STXBP5L: variants seen among roughly 807,000 people sequenced by gnomAD.
The protein encoded by STXBP5L is syntaxin-binding protein 5-like.
In STXBP5L, 65 loss-of-function variants were observed where a neutral mutation model predicts 144.5. That is an observed-to-expected ratio of 0.45 (90% confidence interval 0.37 to 0.55). The LOEUF (loss-of-function observed/expected upper bound fraction) is 0.55, where lower values mean the gene tolerates loss of function less well. Ranked by LOEUF, STXBP5L falls within the 20% of genes least tolerant of loss-of-function variation. STXBP5L has a pLI of 0.00. For missense variants in STXBP5L, 1,298 were observed against 1,405.5 expected (o/e 0.92, Z 1.22); for synonymous variants, 505 against 469.6 (o/e 1.08, Z -0.97).
intron 14 of STXBP5L, among the ~76,000 whole-genome samples, chr3:121,246,352 T>C (rs2049852907): frequency 6.6e-6 from 1 of 152,190 alleles, no homozygotes; most frequent in African/African-American, 2.4e-5. Context: ...AACTAGTCCC[T>C]GGTGCCAAAA....
chr3:121,146,801 A>G (rs544857662), intron 7 of STXBP5L, among the ~76,000 whole-genome samples: 4 of 152,068 alleles, frequency 2.6e-5, no homozygotes, highest in Non-Finnish European at 5.9e-5. Context: ...AAATTTGTAT[A>G]TGCCTAATGA....
chr3:121,045,338 T>C (rs1348087296), intron 4 of STXBP5L, 97 bp from the exon 5 acceptor site: 2 of 1,058,344 alleles, frequency 1.9e-6, no homozygotes, highest in South Asian at 1.8e-5. Flanking sequence ...AAAGTAACTC[T>C]TCAGGTAGTA....
intron 9 of STXBP5L, among the ~76,000 whole-genome samples, chr3:121,182,479 T>C (rs1039677455): frequency 6.6e-6 from 1 of 152,094 alleles, no homozygotes; most frequent in Non-Finnish European, 1.5e-5. Flanking sequence ...TAAATGATAA[T>C]CATTACACAA....
At chr3:120,959,976 G>T (rs1938562456) in intron 3 of STXBP5L, among the ~76,000 whole-genome samples, 1 of 152,228 alleles carries the variant, frequency 6.6e-6, no homozygotes, top group Admixed American at 6.5e-5. Flanking sequence ...GCAACCTATA[G>T]AATGGAAGAA....
intron 5 of STXBP5L, among the ~76,000 whole-genome samples, chr3:121,069,976 G>T (rs2041733642): frequency 6.6e-6 from 1 of 152,126 alleles, no homozygotes. Flanking sequence ...CTGTGTCCCA[G>T]AGGTTTTGAT....
At chr3:121,412,727 C>CAAAAAAAAAAAAAAAAA (rs35247157) in intron 23 of STXBP5L, among the ~76,000 whole-genome samples, 11 of 69,590 alleles carry the variant, frequency 1.6e-4, no homozygotes, top group African/African-American at 1.8e-4. Context: ...TTTCTCCCTC[C>CAAAAAAAAAAAAAAAAA]AAAAAAAAAA....
chr3:120,992,251 T>G (rs1942970412), intron 3 of STXBP5L, among the ~76,000 whole-genome samples: 1 of 152,186 alleles, frequency 6.6e-6, no homozygotes, highest in South Asian at 2.1e-4. Flanking sequence ...CAACTCAGAA[T>G]GTTTAGCATA....
intron 20 of STXBP5L, among the ~76,000 whole-genome samples, chr3:121,350,106 C>T (rs1349640550): frequency 6.6e-6 from 1 of 152,100 alleles, no homozygotes; most frequent in African/African-American, 2.4e-5. Flanking sequence ...CCAGTTATTC[C>T]TTTCCATGTT....
At chr3:120,989,503 T>A (rs1175586468) in intron 3 of STXBP5L, among the ~76,000 whole-genome samples, 4 of 152,182 alleles carry the variant, frequency 2.6e-5, no homozygotes, top group African/African-American at 9.6e-5. Context: ...GTTGTTGAGT[T>A]GTTTGAATTC....
chr3:121,217,973 T>G (rs1274029893), intron 10 of STXBP5L, among the ~76,000 whole-genome samples: 5 of 147,056 alleles, frequency 3.4e-5, no homozygotes, highest in Admixed American at 6.9e-5. Context: ...GTTACTACTA[T>G]AGTTTAGTAG....
chr3:121,107,484 A>T (rs893735968), intron 5 of STXBP5L, among the ~76,000 whole-genome samples: 1 of 152,142 alleles, frequency 6.6e-6, no homozygotes, highest in Non-Finnish European at 1.5e-5. Context: ...TCCTTTCCCC[A>T]TTGCTTCTTT....
intron 3 of STXBP5L, among the ~76,000 whole-genome samples, chr3:121,012,824 AC>A (rs965044672): frequency 6.6e-6 from 1 of 151,148 alleles, no homozygotes; most frequent in African/African-American, 2.4e-5. Flanking sequence ...TAGTTTTTCA[AC>A]CCTTATCCAC....
intron 19 of STXBP5L, among the ~76,000 whole-genome samples, chr3:121,308,292 C>T (rs1467275138): frequency 6.6e-6 from 1 of 152,066 alleles, no homozygotes; most frequent in Non-Finnish European, 1.5e-5. Context: ...ACCTCATATC[C>T]AGCAAAAGTA....
chr3:120,922,189 A>G (rs373140588), intron 2 of STXBP5L, among the ~76,000 whole-genome samples: 24 of 151,734 alleles, frequency 1.6e-4, no homozygotes, highest in Non-Finnish European at 3.1e-4. Context: ...AAATTTATTC[A>G]TAGGTATTCA....
chr3:121,067,357 AC>A (rs1333626108), intron 5 of STXBP5L, among the ~76,000 whole-genome samples: 3 of 152,070 alleles, frequency 2.0e-5, no homozygotes, highest in African/African-American at 7.2e-5. Context: ...TTGAACTAAA[AC>A]TTTTATAATT....
intron 9 of STXBP5L, among the ~76,000 whole-genome samples, chr3:121,173,580 A>T (rs2046817266): frequency 6.6e-6 from 1 of 152,014 alleles, no homozygotes; most frequent in Non-Finnish European, 1.5e-5. Flanking sequence ...CCTACTGTTG[A>T]CCAGAAGCTT....
At chr3:121,346,663 A>G (rs1050322155) in intron 20 of STXBP5L, among the ~76,000 whole-genome samples, 3 of 152,112 alleles carry the variant, frequency 2.0e-5, no homozygotes, top group Non-Finnish European at 4.4e-5. Context: ...GTGAGATGGT[A>G]TCTCATTGTG....
At chr3:120,920,231 C>T (rs1294094445) in intron 2 of STXBP5L, among the ~76,000 whole-genome samples, 1 of 151,666 alleles carries the variant, frequency 6.6e-6, no homozygotes. Flanking sequence ...TGGGTCAGCT[C>T]AGTATAATTA....
At chr3:121,223,927 C>A (rs2049044714) in intron 11 of STXBP5L, among the ~76,000 whole-genome samples, 1 of 151,744 alleles carries the variant, frequency 6.6e-6, no homozygotes, top group East Asian at 1.9e-4. Flanking sequence ...GAGATTCCAT[C>A]TCAAACAAAT....
Sources: allele counts gnomAD v4.1 joint callset (sites outside exome capture counted in the v4.1 genomes callset), GRCh38; gene constraint gnomAD v4.1.1; transcripts MANE v1.5; gene names NCBI Gene and HGNC (gene_info 2026-07-23, HGNC 2026-07-21).